Variants in DDB2 observed in about 807,000 individuals in gnomAD.
DDB2 encodes DNA damage-binding protein 2.
Under a neutral mutation model 50.5 loss-of-function variants are expected in DDB2, and 27 were observed. The observed-to-expected ratio is 0.53, with a 90% CI of 0.39 to 0.74. DDB2 has a LOEUF of 0.74. Among genes scored for constraint, DDB2 ranks in the 30% least tolerant of loss-of-function variants. The probability of loss-of-function intolerance (pLI) is 0.00; values close to 1 mark genes in which losing one functional copy is unlikely to be tolerated. For missense variants in DDB2, 424 were observed against 545.6 expected (o/e 0.78, Z 2.22); for synonymous variants, 176 against 205.5 (o/e 0.86, Z 1.23).
chr11:47,232,716 G>A (rs1953666132), intron 3 of DDB2, 98 bp from the exon 4 acceptor site: 5 of 1,361,516 alleles, frequency 3.7e-6, no homozygotes, highest in African/African-American at 1.4e-5. Flanking sequence ...AGCGCTGCTC[G>A]AGGGGTGCTT....
chr11:47,235,525 C>A, intron 7 of DDB2, 113 bp downstream of exon 7: 1 of 1,170,156 alleles, frequency 8.5e-7, no homozygotes, highest in Non-Finnish European at 1.2e-6. Context: ...CCAGATCGCT[C>A]CTGGCCCGAG....
intron 3 of DDB2, among the ~76,000 whole-genome samples, chr11:47,227,099 C>T (rs1342119340): frequency 3.1e-5 from 1 of 32,144 alleles, no homozygotes; most frequent in East Asian, 1.2e-3. Context: ...GGATATTAAC[C>T]TTTTTTTTTT....
intron 3 of DDB2, among the ~76,000 whole-genome samples, chr11:47,230,453 C>A (rs1158374348): frequency 6.6e-6 from 1 of 152,138 alleles, no homozygotes; most frequent in East Asian, 1.9e-4. Flanking sequence ...GCATGTATTT[C>A]ATCAATTTAC....
At chr11:47,236,552 G>A (rs1953728666) in intron 7 of DDB2, among the ~76,000 whole-genome samples, 1 of 152,134 alleles carries the variant, frequency 6.6e-6, no homozygotes, top group African/African-American at 2.4e-5. Flanking sequence ...AGAATCCTTG[G>A]GCAAATTACT....
At chr11:47,227,199 C>G (rs550088892) in intron 3 of DDB2, among the ~76,000 whole-genome samples, 2 of 147,896 alleles carry the variant, frequency 1.4e-5, no homozygotes, top group Admixed American at 6.8e-5. Flanking sequence ...CTCCACCTCC[C>G]GGGTTCAAGC....
chr11:47,235,016 C>T, intron 6 of DDB2, 82 bp downstream of exon 6: 2 of 1,509,714 alleles, frequency 1.3e-6, no homozygotes, highest in Non-Finnish European at 1.8e-6. Context: ...GTGGAAGCCA[C>T]TACGTCAAAC....
chr11:47,223,069 A>G (rs1953508540), intron 3 of DDB2, among the ~76,000 whole-genome samples: 1 of 152,210 alleles, frequency 6.6e-6, no homozygotes, highest in East Asian at 1.9e-4. Flanking sequence ...TTTGCTAAGT[A>G]TAGAATTCTA....
Position 47,215,059 on chromosome 11 carries a change from GT to G in DDB2, c.-75del. On this transcript the variant is annotated 5_prime_UTR_variant, in exon 1 of 10. Coordinates refer to ENST00000256996, the MANE Select transcript of DDB2 (RefSeq NM_000107.3). ...CCCGCAGTTTTGTAGTCCCCGCCTT[GT>G]TTCTCCCCAGAGGCCTCTCAATCCT... 1 of 1,609,362 alleles carries G rather than the reference GT, an allele frequency of 6.2e-7. No homozygotes were observed. The highest frequency in any genetic ancestry group is 1.1e-5 in the South Asian group (1 of 90,874).
chr11:47,235,602 T>A, intron 7 of DDB2, 190 bp downstream of exon 7: 1 of 633,318 alleles, frequency 1.6e-6, no homozygotes, highest in Non-Finnish European at 2.8e-6. Context: ...TCCCATATGG[T>A]TGAGTTTTCT....
At chr11:47,223,838 T>C (rs4647725) in intron 3 of DDB2, among the ~76,000 whole-genome samples, 40,231 of 152,012 alleles carry the variant, frequency 0.26, 6,644 homozygotes, top group East Asian at 0.65. Context: ...GGCTCAATGG[T>C]TCATGCCTGT....
chr11:47,215,743 A>T, intron 1 of DDB2: 1 of 264,720 alleles, frequency 3.8e-6, no homozygotes, highest in Non-Finnish European at 7.4e-6. Flanking sequence ...TTGTTAATCA[A>T]GTGGTTTTTG....
Position 47,234,874 on chromosome 11 carries a change from C to T in DDB2, c.820C>T (p.Gln274Ter). 6.2e-7 allele frequency: 1 copy of T among 1,614,224 alleles called. No individual in the cohort carries two copies. The highest frequency in any genetic ancestry group is 8.5e-7 in the Non-Finnish European group (1 of 1,180,032). Residue 274 changes from glutamine to a stop codon, truncating the protein, a stop_gained, in exon 6 of 10, where the codon CAG becomes TAG. Transcript: ENST00000256996. LOFTEE classifies it high-confidence loss of function. Reference sequence around the variant, plus strand: ...AACAGTGAAAATTTGGGACCTGCGCCAGGTTAGAGGGAAAGCCAGCTTCCT... The same window carrying T: ...AACAGTGAAAATTTGGGACCTGCGCTAGGTTAGAGGGAAAGCCAGCTTCCT... The part of the protein sequence containing the change: ...DQTVKIWDLR[Q>*]VRGKASFLYS...
rs765161300 is a variant in DDB2, at chr11:47,216,407, C to G, written c.199C>G (p.Arg67Gly). 6.2e-7 allele frequency: 1 copy of G among 1,614,088 alleles called. No homozygotes were observed. The highest frequency in any genetic ancestry group is 8.5e-7 in the Non-Finnish European group (1 of 1,180,036). ...LAGPQILPPC[R>G]SIVRTLHQHK... ...TGGCCCACAGATCCTGCCACCATGC[C>G]GCAGCATCGTCAGGACCCTCCACCA... The change falls in exon 2 of 10, where the codon CGC (arginine) becomes GGC (glycine). Residue 67 changes from arginine (R) to glycine (G), a missense_variant. Transcript: ENST00000256996.
chr11:47,237,187 T>G (rs944791784), intron 7 of DDB2, among the ~76,000 whole-genome samples: 1 of 152,196 alleles, frequency 6.6e-6, no homozygotes, highest in Non-Finnish European at 1.5e-5. Context: ...CCAGAGGCTT[T>G]TTCTGCTTTG....
chr11:47,223,474 C>T (rs950980291), intron 3 of DDB2, among the ~76,000 whole-genome samples: 1 of 151,020 alleles, frequency 6.6e-6, no homozygotes, highest in Non-Finnish European at 1.5e-5. Context: ...CAGAGCAAGA[C>T]TGTGTCTCAA....
chr11:47,216,303 T>C (rs983577243), intron 1 of DDB2, 33 bp from the exon 2 acceptor site: 1 of 1,614,072 alleles, frequency 6.2e-7, no homozygotes, highest in East Asian at 2.2e-5. Flanking sequence ...TTCGTGAGAT[T>C]GGAGAGGAAA....
intron 1 of DDB2, chr11:47,215,555 C>T: frequency 2.3e-6 from 1 of 437,086 alleles, no homozygotes; most frequent in Non-Finnish European, 4.3e-6. Flanking sequence ...AGAATCCTAC[C>T]TTTCCTGGCG....
chr11:47,228,233 G>A (rs185989773), intron 3 of DDB2, among the ~76,000 whole-genome samples: 58 of 149,802 alleles, frequency 3.9e-4, no homozygotes, highest in Middle Eastern at 7.2e-3. Context: ...CACCACTGCA[G>A]TCCAGCCTGA....
chr11:47,216,311 A>C, intron 1 of DDB2, 25 bp from the exon 2 acceptor site: 1 of 1,614,048 alleles, frequency 6.2e-7, no homozygotes, highest in Non-Finnish European at 8.5e-7. Context: ...ATTGGAGAGG[A>C]AAATATGTCT....
Sources: gnomAD v4.1 joint callset for allele counts (sites outside exome capture counted in the v4.1 genomes callset) on GRCh38, gnomAD v4.1.1 for gene constraint, MANE v1.5 for transcripts, NCBI Gene and HGNC (gene_info 2026-07-23, HGNC 2026-07-21) for gene names.